Variants in PFDN2 observed in about 807,000 individuals in gnomAD.
PFDN2 encodes the protein prefoldin subunit 2.
A neutral mutation model predicts 18.3 loss-of-function variants in PFDN2; 7 were observed. The ratio of observed to expected loss-of-function variants is 0.38; its 90% CI spans 0.22 to 0.72. The LOEUF is 0.72. Among genes scored for constraint, PFDN2 ranks in the 30% least tolerant of loss-of-function variants. PFDN2 has a pLI of 0.47. For missense variants in PFDN2, 181 were observed against 199.1 expected (o/e 0.91, Z 0.55); for synonymous variants, 76 against 75.0 (o/e 1.01, Z -0.07).
chr1:161,102,489 A>C (rs1234901829), intron 1 of PFDN2, 114 bp from the exon 2 acceptor site: 1 of 719,166 alleles, frequency 1.4e-6, no homozygotes, highest in East Asian at 2.6e-5. Flanking sequence ...CTACCTTGGA[A>C]AAGGAGTAGA....
At chr1:161,100,956 C>A in intron 3 of PFDN2, 97 bp from the exon 4 acceptor site, 2 of 869,946 alleles carry the variant, frequency 2.3e-6, no homozygotes, top group Non-Finnish European at 3.6e-6. Flanking sequence ...CACATTTAAC[C>A]TTACCTTTAA....
rs182290545 is a variant in PFDN2, at chr1:161,114,619, G to A, written c.75+3333C>T. 2.6e-4 allele frequency among the ~76,000 whole-genome samples: 40 copies of A among 152,256 alleles called. No individual in the cohort carries two copies. The East Asian group carries it at 4.6e-3, about 18-fold the overall frequency. On this transcript the variant is annotated intron_variant, in intron 1 of 3. Coordinates refer to ENST00000368010, the MANE Select transcript of PFDN2 (RefSeq NM_012394.4). ...TTCTAATCACTGTGCAAAACACTTC[G>A]CATGCATTGTCTTGCCTAATACTCT...
chr1:161,117,510 G>A (rs567510541), intron 1 of PFDN2, among the ~76,000 whole-genome samples: 1 of 152,314 alleles, frequency 6.6e-6, no homozygotes, highest in Admixed American at 6.5e-5. Context: ...GAGTATGAGA[G>A]TCACGTGGCT....
At position 161,104,429 on chromosome 1, in the gene PFDN2, TTTTTTC is replaced by T. The variant is rs573319330; in HGVS notation, c.76-2060_76-2055del. ...TCATCTTTACTAGGGCCCTATCTCT[TTTTTTC>T]TTTTTCTTTTTCTTTTTTTTTTTTT... On this transcript the variant is annotated intron_variant, in intron 1 of 3. Coordinates refer to ENST00000368010, the MANE Select transcript of PFDN2 (RefSeq NM_012394.4). Among the ~76,000 whole-genome samples, 544 of 151,738 alleles carry T rather than the reference TTTTTTC, an allele frequency of 3.6e-3. 2 individuals are homozygous for T. Among genetic ancestry groups the T allele is most frequent in the Non-Finnish European group, 5.4e-3 (370 of 67,918 alleles).
chr1:161,108,747 A>G (rs1026014066), intron 1 of PFDN2, among the ~76,000 whole-genome samples: 6 of 152,150 alleles, frequency 3.9e-5, no homozygotes, highest in South Asian at 2.1e-4. Context: ...ATTAATTTAT[A>G]CTGCTACCAG....
intron 1 of PFDN2, among the ~76,000 whole-genome samples, chr1:161,112,596 G>T (rs1335320889): frequency 6.6e-6 from 1 of 152,042 alleles, no homozygotes; most frequent in Non-Finnish European, 1.5e-5. Flanking sequence ...ACCATACCCA[G>T]GTTCATCTTT....
chr1:161,106,761 A>G (rs1041975778), intron 1 of PFDN2, among the ~76,000 whole-genome samples: 2 of 145,200 alleles, frequency 1.4e-5, no homozygotes, highest in African/African-American at 5.2e-5. Flanking sequence ...CTCCACTTCT[A>G]GAGTAGTTAG....
chr1:161,104,136 C>T (rs536620289), intron 1 of PFDN2, among the ~76,000 whole-genome samples: 2 of 152,184 alleles, frequency 1.3e-5, no homozygotes, highest in African/African-American at 4.8e-5. Context: ...AGTTTTCTTA[C>T]CTGCAAAATG....
intron 1 of PFDN2, among the ~76,000 whole-genome samples, chr1:161,117,266 G>C (rs921663939): frequency 2.0e-5 from 3 of 152,212 alleles, no homozygotes; most frequent in Non-Finnish European, 4.4e-5. Context: ...TAAAGTAGCT[G>C]TTAACTGTTT....
chr1:161,116,336 T>C (rs1323205883), intron 1 of PFDN2, among the ~76,000 whole-genome samples: 1 of 152,006 alleles, frequency 6.6e-6, no homozygotes, highest in African/African-American at 2.4e-5. Flanking sequence ...GCCAACATGG[T>C]GAAACCCCGT....
chr1:161,115,155 C>T (rs1172475262), intron 1 of PFDN2, among the ~76,000 whole-genome samples: 3 of 152,144 alleles, frequency 2.0e-5, no homozygotes, highest in South Asian at 2.1e-4. Flanking sequence ...CTCTGCCTCC[C>T]GGATTCAAGC....
Position 161,100,676 on chromosome 1 carries a change from T to C in PFDN2, c.*7A>G. 6.3e-7 allele frequency: 1 copy of C among 1,576,044 alleles called. No individual in the cohort carries two copies. The highest frequency in any genetic ancestry group is 8.6e-7 in the Non-Finnish European group (1 of 1,161,494). On this transcript the variant is annotated 3_prime_UTR_variant, in exon 4 of 4. Transcript: ENST00000368010. ...CAGGGTAGAAAAAAATGCAAAGGCC[T>C]TGGTCCCTAGGAGACCAACACTCCA...
chr1:161,113,419 A>T (rs1411666260), intron 1 of PFDN2, among the ~76,000 whole-genome samples: 5 of 152,206 alleles, frequency 3.3e-5, no homozygotes, highest in Non-Finnish European at 7.3e-5. Flanking sequence ...AAGCCTCTGA[A>T]ATTAAAATGT....
chr1:161,112,077 T>C (rs932662648), intron 1 of PFDN2, among the ~76,000 whole-genome samples: 1 of 152,242 alleles, frequency 6.6e-6, no homozygotes, highest in Non-Finnish European at 1.5e-5. Flanking sequence ...ACAAGTTACT[T>C]CTTTTCTGAA....
intron 1 of PFDN2, among the ~76,000 whole-genome samples, chr1:161,115,647 A>G (rs1172523849): frequency 6.6e-6 from 1 of 152,222 alleles, no homozygotes; most frequent in Admixed American, 6.5e-5. Context: ...ATCATCTCAC[A>G]TCATCACAAG....
At chr1:161,102,024 T>A in intron 3 of PFDN2, 24 bp downstream of exon 3, 1 of 1,613,774 alleles carries the variant, frequency 6.2e-7, no homozygotes. Flanking sequence ...CTGTACCCGA[T>A]CCTATTCAAT....
At chr1:161,102,931 C>G (rs998534044) in intron 1 of PFDN2, among the ~76,000 whole-genome samples, 1 of 150,050 alleles carries the variant, frequency 6.7e-6, no homozygotes, top group Non-Finnish European at 1.5e-5. Flanking sequence ...GCACTCCAGC[C>G]TGGCGACAGA....
intron 1 of PFDN2, among the ~76,000 whole-genome samples, chr1:161,110,398 A>G (rs573956115): frequency 2.0e-5 from 3 of 152,256 alleles, no homozygotes; most frequent in Admixed American, 1.3e-4. Flanking sequence ...GAAGTGCAGA[A>G]ATCATACCTG....
chr1:161,102,994 G>A (rs1224003312), intron 1 of PFDN2, among the ~76,000 whole-genome samples: 1 of 151,760 alleles, frequency 6.6e-6, no homozygotes, highest in African/African-American at 2.4e-5. Flanking sequence ...GAGAGCTACT[G>A]GAGTACCTAC....
Sources: gnomAD v4.1 joint callset for allele counts (sites outside exome capture counted in the v4.1 genomes callset) on GRCh38, gnomAD v4.1.1 for gene constraint, MANE v1.5 for transcripts, NCBI Gene and HGNC (gene_info 2026-07-23, HGNC 2026-07-21) for gene names.